The following IPO5 variants were observed in gnomAD, a reference collection of about 807,000 sequenced individuals.
IPO5 encodes importin 5.
Under a neutral mutation model 143.3 loss-of-function variants are expected in IPO5, and 18 were observed. The observed-to-expected ratio is 0.13, with a 90% CI of 0.09 to 0.19. The LOEUF (loss-of-function observed/expected upper bound fraction) is 0.19, where lower values mean the gene tolerates loss of function less well. Among genes scored for constraint, IPO5 ranks in the 10% least tolerant of loss-of-function variants. The pLI, the probability that IPO5 is intolerant of heterozygous loss-of-function variation, is 1.00. For missense variants in IPO5, 1,013 were observed against 1,336.9 expected (o/e 0.76, Z 3.78); for synonymous variants, 477 against 465.7 (o/e 1.02, Z -0.31).
intron 18 of IPO5, among the ~76,000 whole-genome samples, chr13:98,009,625 G>A (rs1227754004): frequency 1.3e-5 from 2 of 152,168 alleles, no homozygotes; most frequent in African/African-American, 4.8e-5. Flanking sequence ...CTTACTGAAA[G>A]TAGAAAGAAA....
In IPO5 at chr13:98,000,668, T is replaced by C. The variant is rs1888691158; in HGVS notation, c.1108+23T>C. The C allele has an allele frequency of 2.0e-6, 3 of 1,491,116 alleles. No homozygotes were observed. The African/African-American group carries it at 4.1e-5, about 21-fold the overall frequency. The allele number at this position is 1,491,116 out of a possible 1,614,324, so 92.4% of individuals were successfully genotyped here. A position where few individuals can be genotyped will look rare whatever the true frequency, so the allele number is the denominator to read the frequency against. ...ATCGTAAGCTGTGTCCTTCAAATGC[T>C]AGAAGAGTGAAGTTGTGCCCTTTCT... On this transcript the variant is annotated intron_variant, in intron 13 of 28. Transcript: ENST00000651721.
intron 13 of IPO5, 58 bp downstream of exon 13, chr13:98,000,703 A>G: frequency 1.8e-6 from 2 of 1,106,364 alleles, no homozygotes; most frequent in Non-Finnish European, 2.8e-6. Context: ...TAAAGCTTAA[A>G]TTCTAAGATA....
At chr13:97,989,033 A>G (rs1887606763) in intron 6 of IPO5, 29 bp from the exon 7 acceptor site, 2 of 1,355,686 alleles carry the variant, frequency 1.5e-6, no homozygotes, top group South Asian at 1.2e-5. Context: ...GACTTACACA[A>G]CTTTATGTCT....
At chr13:97,970,331 A>G (rs781158984) in intron 3 of IPO5, among the ~76,000 whole-genome samples, 2 of 152,122 alleles carry the variant, frequency 1.3e-5, no homozygotes, top group Non-Finnish European at 2.9e-5. Context: ...CACTTAAAAT[A>G]TATCTCAGGC....
At chr13:97,964,185 C>A (rs1046275499) in intron 2 of IPO5, among the ~76,000 whole-genome samples, 1 of 152,096 alleles carries the variant, frequency 6.6e-6, no homozygotes, top group Non-Finnish European at 1.5e-5. Context: ...TGTGCAGAAG[C>A]TCTTTAGTTT....
In IPO5 at chr13:97,998,067, C is replaced by T. The variant is rs187436864; in HGVS notation, c.1001+449C>T. On this transcript the variant is annotated intron_variant, in intron 12 of 28. Coordinates refer to ENST00000651721, the MANE Select transcript of IPO5 (RefSeq NM_002271.6). ...CTCGGCTCACCGCAAGCTCCGCCTCCGGGGTTCACGCCATTCTCCTGCCTC... is the reference window on the plus strand; with the variant it reads ...CTCGGCTCACCGCAAGCTCCGCCTCTGGGGTTCACGCCATTCTCCTGCCTC... Among the ~76,000 whole-genome samples the T allele has an allele frequency of 5.3e-3, 801 of 152,320 alleles. 9 individuals are homozygous for T. Among genetic ancestry groups the T allele is most frequent in the African/African-American group, 0.018 (761 of 41,582 alleles).
chr13:97,965,356 A>T (rs540032925), intron 2 of IPO5, among the ~76,000 whole-genome samples: 32 of 152,184 alleles, frequency 2.1e-4, no homozygotes, highest in Middle Eastern at 3.4e-3. Flanking sequence ...TGAAAAATTA[A>T]AAAAAAATCA....
intron 20 of IPO5, among the ~76,000 whole-genome samples, chr13:98,010,725 C>G (rs1372215629): frequency 7.0e-6 from 1 of 143,008 alleles, no homozygotes; most frequent in Non-Finnish European, 1.5e-5. Flanking sequence ...ATGTTTAGTT[C>G]CTAGTTTTCT....
intron 6 of IPO5, among the ~76,000 whole-genome samples, chr13:97,987,409 A>G (rs887812293): frequency 1.4e-4 from 21 of 152,240 alleles, no homozygotes; most frequent in African/African-American, 5.1e-4. Context: ...AATCTCATCA[A>G]CCAGTAATAC....
intron 27 of IPO5, 166 bp downstream of exon 27, chr13:98,019,975 TCA>T (rs1309849401): frequency 1.8e-6 from 1 of 551,432 alleles, no homozygotes; most frequent in Admixed American, 3.2e-5. Context: ...AGAAACCATA[TCA>T]CAGTTAACAT....
chr13:97,964,977 T>C (rs1436282927), intron 2 of IPO5, among the ~76,000 whole-genome samples: 2 of 152,204 alleles, frequency 1.3e-5, no homozygotes, highest in Non-Finnish European at 2.9e-5. Context: ...AAAGAAAATG[T>C]GGCACACGTA....
At chr13:98,013,158 C>T (rs1160336794) in intron 21 of IPO5, among the ~76,000 whole-genome samples, 10 of 152,064 alleles carry the variant, frequency 6.6e-5, no homozygotes, top group Admixed American at 5.2e-4. Flanking sequence ...CAAGTTCAAG[C>T]GATTCTTCTG....
chr13:97,987,929 G>C (rs1415528203), intron 6 of IPO5: 1 of 248,784 alleles, frequency 4.0e-6, no homozygotes, highest in African/African-American at 2.3e-5. Flanking sequence ...CCTTTCCAAA[G>C]TATTCAAAGT....
intron 5 of IPO5, 84 bp from the exon 6 acceptor site, chr13:97,985,337 G>T (rs1221315679): frequency 2.2e-5 from 24 of 1,069,064 alleles, no homozygotes; most frequent in East Asian, 1.2e-4. Context: ...AGAAAATTAG[G>T]CGCTTTTGAA....
At chr13:97,954,857 G>A (rs982644687) in intron 2 of IPO5, among the ~76,000 whole-genome samples, 4 of 152,234 alleles carry the variant, frequency 2.6e-5, no homozygotes, top group East Asian at 1.9e-4. Context: ...ACTAGTATGC[G>A]AGACAGATTT....
At position 97,997,119 on chromosome 13, in the gene IPO5, G is replaced by A. The variant is rs530153096; in HGVS notation, c.914-412G>A. Reference sequence around the variant, plus strand: ...TTATGTGTTGAGAAAAAAGCAAATTGCCGAGGTACATATATTATGAAACCA... The same window carrying A: ...TTATGTGTTGAGAAAAAAGCAAATTACCGAGGTACATATATTATGAAACCA... On this transcript the variant is annotated intron_variant, in intron 11 of 28. Transcript: ENST00000651721. Among the ~76,000 whole-genome samples the A allele has an allele frequency of 6.6e-5, 10 of 152,204 alleles. No individual in the cohort carries two copies. In the South Asian group the frequency reaches 2.1e-3, roughly 32 times the overall value.
At chr13:97,999,343 C>T (rs753515516) in intron 12 of IPO5, among the ~76,000 whole-genome samples, 6 of 152,148 alleles carry the variant, frequency 3.9e-5, no homozygotes, top group Non-Finnish European at 7.4e-5. Flanking sequence ...CACTGGAAAT[C>T]ACCTGATAAC....
intron 2 of IPO5, among the ~76,000 whole-genome samples, chr13:97,957,855 G>A (rs1884566059): frequency 6.6e-6 from 1 of 151,892 alleles, no homozygotes; most frequent in Admixed American, 6.6e-5. Context: ...AAGAAACCCT[G>A]TCTTCTGTAA....
At chr13:97,963,633 G>T (rs1746413645) in intron 2 of IPO5, among the ~76,000 whole-genome samples, 1 of 152,114 alleles carries the variant, frequency 6.6e-6, no homozygotes, top group Admixed American at 6.6e-5. Context: ...CTCCCAAAAT[G>T]CTAGGATTAT....
Sources: allele counts gnomAD v4.1 joint callset (sites outside exome capture counted in the v4.1 genomes callset), GRCh38; gene constraint gnomAD v4.1.1; transcripts MANE v1.5; gene names NCBI Gene and HGNC (gene_info 2026-07-23, HGNC 2026-07-21).